The following NECTIN4 variants were observed in gnomAD, a reference collection of about 807,000 sequenced individuals.
NECTIN4 encodes nectin cell adhesion molecule 4.
Under a neutral mutation model 51.7 loss-of-function variants are expected in NECTIN4, and 19 were observed. That is an observed-to-expected ratio of 0.37 (90% confidence interval 0.26 to 0.54). The LOEUF is 0.54. NECTIN4 is among the 20% of genes least tolerant of loss of function. The probability of loss-of-function intolerance (pLI) is 0.86; values close to 1 mark genes in which losing one functional copy is unlikely to be tolerated. For missense variants in NECTIN4, 619 were observed against 662.4 expected (o/e 0.93, Z 0.72); for synonymous variants, 283 against 286.9 (o/e 0.99, Z 0.14).
At chr1:161,074,452 CA>C in intron 5 of NECTIN4, 79 bp from the exon 6 acceptor site, 1 of 1,602,850 alleles carries the variant, frequency 6.2e-7, no homozygotes, top group Middle Eastern at 1.7e-4. Context: ...CCCCGCAAAA[CA>C]TCTAAAACCA....
intron 2 of NECTIN4, among the ~76,000 whole-genome samples, chr1:161,078,956 G>A (rs1190169033): frequency 6.6e-6 from 1 of 152,152 alleles, no homozygotes; most frequent in African/African-American, 2.4e-5. Context: ...AGCTTGCAGT[G>A]AGCCGAGATC....
chr1:161,074,190 A>G, intron 6 of NECTIN4, 27 bp downstream of exon 6: 1 of 1,613,628 alleles, frequency 6.2e-7, no homozygotes, highest in Non-Finnish European at 8.5e-7. Context: ...GCTTAGTTCT[A>G]CCCACCCAGG....
chr1:161,072,473 G>A lies in NECTIN4; in HGVS notation c.*188C>T. The A allele has an allele frequency of 1.5e-6, 1 of 652,278 alleles. No individual in the cohort carries two copies. Among genetic ancestry groups the A allele is most frequent in the Non-Finnish European group, 2.8e-6 (1 of 358,920 alleles). The allele number at this position is 652,278 out of a possible 1,614,324, so 40.4% of individuals were successfully genotyped here. On this transcript the variant is annotated 3_prime_UTR_variant, in exon 9 of 9. Coordinates refer to ENST00000368012, the MANE Select transcript of NECTIN4 (RefSeq NM_030916.3). ...CACACACACAGTGACCTGCATGCAT[G>A]GTGGGAGAGACTCAATTGGTGGAGC...
At chr1:161,080,822 A>G (rs2101669348) in intron 1 of NECTIN4, among the ~76,000 whole-genome samples, 1 of 152,320 alleles carries the variant, frequency 6.6e-6, no homozygotes, top group African/African-American at 2.4e-5. Context: ...CCTTATCTGC[A>G]AATAAGGATC....
chr1:161,076,607 T>G lies in NECTIN4; in HGVS notation c.731-132A>C, dbSNP rs183203372. 183 of 1,282,256 alleles carry G rather than the reference T, an allele frequency of 1.4e-4. No individual in the cohort carries two copies. In the African/African-American group the frequency reaches 2.5e-3, roughly 17 times the overall value. The allele number at this position is 1,282,256 out of a possible 1,614,324, so 79.4% of individuals were successfully genotyped here. On this transcript the variant is annotated intron_variant, in intron 3 of 8. Coordinates refer to ENST00000368012, the MANE Select transcript of NECTIN4 (RefSeq NM_030916.3). The stretch of plus-strand genomic sequence containing the variant: ...GCCCTTCTCCATCCTACTCATCTGC[T>G]GCCAAACCTAGCTCAGCCCCACCCT...
At chr1:161,078,885 G>A (rs887608259) in intron 2 of NECTIN4, among the ~76,000 whole-genome samples, 6 of 152,048 alleles carry the variant, frequency 3.9e-5, no homozygotes, top group Middle Eastern at 3.2e-3. Context: ...GGTGGTGGGC[G>A]CCTGTAGACC....
chr1:161,084,229 C>G (rs138075049), intron 1 of NECTIN4, among the ~76,000 whole-genome samples: 1 of 152,126 alleles, frequency 6.6e-6, no homozygotes, highest in African/African-American at 2.4e-5. Flanking sequence ...GGGGCATATA[C>G]GTACTTACTT....
At chr1:161,082,561 T>C (rs1023812607) in intron 1 of NECTIN4, among the ~76,000 whole-genome samples, 2 of 151,914 alleles carry the variant, frequency 1.3e-5, no homozygotes, top group African/African-American at 4.8e-5. Flanking sequence ...AGGCAGCACA[T>C]AGAGCACAGG....
chr1:161,072,431 T>G lies in NECTIN4; in HGVS notation c.*230A>C. 1.7e-6 allele frequency: 1 copy of G among 605,442 alleles called. No homozygotes were observed. Among genetic ancestry groups the G allele is most frequent in the East Asian group, 2.8e-5 (1 of 35,302 alleles). The allele number at this position is 605,442 out of a possible 1,614,324, so 37.5% of individuals were successfully genotyped here. ...CCACACACACACAGTCAGTCAACAC[T>G]CACACAGGCACACATGCACACACAC... On this transcript the variant is annotated 3_prime_UTR_variant, in exon 9 of 9. Coordinates refer to ENST00000368012, the MANE Select transcript of NECTIN4 (RefSeq NM_030916.3).
intron 6 of NECTIN4, 27 bp from the exon 7 acceptor site, chr1:161,073,822 G>T (rs368022224): frequency 1.9e-6 from 3 of 1,603,910 alleles, no homozygotes; most frequent in Non-Finnish European, 2.6e-6. Context: ...CTTGTCAGGA[G>T]CTGAGGGTAG....
intron 1 of NECTIN4, chr1:161,085,081 C>T (rs1444185777): frequency 2.6e-5 from 4 of 152,380 alleles, no homozygotes; most frequent in Admixed American, 2.0e-4. Flanking sequence ...GCCCCATAAC[C>T]TTGGCCTTGG....
At position 161,072,636 on chromosome 1, in the gene NECTIN4, C is replaced by G. The variant is rs755331111; in HGVS notation, c.*25G>C. The G allele has an allele frequency of 1.3e-6, 2 of 1,596,570 alleles. No homozygotes were observed. Among genetic ancestry groups the G allele is most frequent in the Non-Finnish European group, 8.6e-7 (1 of 1,164,176 alleles). On this transcript the variant is annotated 3_prime_UTR_variant, in exon 9 of 9. Transcript: ENST00000368012. Reference sequence around the variant, plus strand: ...TCCCATGTCAACAGAAGGAGCCAGGCCTAGGGAAGGGAGGCAGGCCTGGGT... The same window carrying G: ...TCCCATGTCAACAGAAGGAGCCAGGGCTAGGGAAGGGAGGCAGGCCTGGGT...
intron 1 of NECTIN4, among the ~76,000 whole-genome samples, chr1:161,083,078 A>G (rs999038019): frequency 3.3e-5 from 5 of 152,172 alleles, no homozygotes; most frequent in Non-Finnish European, 5.9e-5. Context: ...CTGAATGTCA[A>G]TCCTCCATGT....
chr1:161,089,546 C>T lies in NECTIN4; in HGVS notation c.-250G>A, dbSNP rs1023163645. On this transcript the variant is annotated 5_prime_UTR_variant, in exon 1 of 9. Coordinates refer to ENST00000368012, the MANE Select transcript of NECTIN4 (RefSeq NM_030916.3). This position sits in a 1 kb window ranked among gnomAD's most constrained non-coding sequence, Gnocchi z 4.1. ...CCAGAGCTGCTTCCCACGCTGTGGC[C>T]AACAACGACGGCAGAAACCTGGGAA... is the stretch of plus-strand genomic sequence containing the variant. 5.5e-6 allele frequency: 3 copies of T among 544,886 alleles called. No homozygotes were observed. Among genetic ancestry groups the T allele is most frequent in the African/African-American group, 1.9e-5 (1 of 52,344 alleles). 33.8% of individuals were successfully genotyped at this position (544,886 alleles called of 1,614,324 possible). A position where few individuals can be genotyped will look rare whatever the true frequency, so the allele number is the denominator to read the frequency against.
In NECTIN4 at chr1:161,072,432, C is replaced by CA. The variant is rs1491437431; in HGVS notation, c.*228dup. On this transcript the variant is annotated 3_prime_UTR_variant, in exon 9 of 9. Transcript: ENST00000368012. ...CACACACACACAGTCAGTCAACACT[C>CA]ACACAGGCACACATGCACACACACA... 3.3e-6 allele frequency: 2 copies of CA among 607,406 alleles called. No homozygotes were observed. Among genetic ancestry groups the CA allele is most frequent in the African/African-American group, 3.7e-5 (2 of 54,488 alleles). The allele number at this position is 607,406 out of a possible 1,614,324, so 37.6% of individuals were successfully genotyped here.
chr1:161,079,451 T>A (rs867443803), intron 2 of NECTIN4, 139 bp downstream of exon 2: 4 of 1,157,322 alleles, frequency 3.5e-6, no homozygotes, highest in Non-Finnish European at 4.8e-6. Flanking sequence ...GATAGCTAGC[T>A]GGATGAAGCT....
chr1:161,089,467 C>G lies in NECTIN4; in HGVS notation c.-171G>C, dbSNP rs1002250465. On this transcript the variant is annotated 5_prime_UTR_variant, in exon 1 of 9. Transcript: ENST00000368012. The surrounding 1 kb of genome is among the most constrained non-coding windows in gnomAD (Gnocchi z 4.1). ...CAGCCCCAGCCCCGGCCCCGTTCTA[C>G]ACACCCAGCCGTAGCTACCCCCAAG... 2.4e-5 allele frequency: 16 copies of G among 654,104 alleles called. No homozygotes were observed. The highest frequency in any genetic ancestry group is 4.1e-5 in the Non-Finnish European group (15 of 363,210). The allele number at this position is 654,104 out of a possible 1,614,324, so 40.5% of individuals were successfully genotyped here.
Position 161,074,204 on chromosome 1 carries a change from G to T in NECTIN4, c.1157+13C>A, listed in dbSNP as rs754208207. 51 of 1,613,760 alleles carry T rather than the reference G, an allele frequency of 3.2e-5. No homozygotes were observed. Among genetic ancestry groups the T allele is most frequent in the Non-Finnish European group, 4.0e-5 (47 of 1,179,866 alleles). On this transcript the variant is annotated intron_variant, in intron 6 of 8. Transcript: ENST00000368012. ...AGCTTAGTTCTACCCACCCAGGAGT[G>T]CCCAGTACTCACTATTTCTGGGTCA...
At chr1:161,085,948 G>A (rs185945220) in intron 1 of NECTIN4, among the ~76,000 whole-genome samples, 42 of 152,298 alleles carry the variant, frequency 2.8e-4, no homozygotes, top group African/African-American at 9.4e-4. Context: ...GCCTCCCAAA[G>A]TGCTGGGATT....
Sources: gnomAD v4.1 joint callset for allele counts (sites outside exome capture counted in the v4.1 genomes callset) on GRCh38, gnomAD v4.1.1 for gene constraint, Gnocchi (gnomAD v3.1) non-coding constraint, MANE v1.5 for transcripts, NCBI Gene and HGNC (gene_info 2026-07-23, HGNC 2026-07-21) for gene names.